DRP2: variants seen among roughly 807,000 people sequenced by gnomAD.
DRP2 encodes the protein dystrophin-related protein 2.
Under a neutral mutation model 78.2 loss-of-function variants are expected in DRP2, and 29 were observed. The ratio of observed to expected loss-of-function variants is 0.37; its 90% CI spans 0.28 to 0.51. The LOEUF is 0.51. Ranked by LOEUF, DRP2 falls within the 20% of genes least tolerant of loss-of-function variation. DRP2 has a pLI of 0.94. For missense variants in DRP2, 686 were observed against 770.6 expected, an observed-to-expected ratio of 0.89 and a Z score of 1.30; for synonymous variants, 290 against 281.9, an observed-to-expected ratio of 1.03 and a Z score of -0.29.
chrX:101,224,040 A>G (rs1829279326), intron 1 of DRP2, among the ~76,000 whole-genome samples: 1 of 109,156 alleles, frequency 9.2e-6, no homozygotes, highest in South Asian at 4.1e-4. Flanking sequence ...ACACAGTGTT[A>G]CCTTGGATTG....
chrX:101,253,500 C>CTTTTT (rs67849810), intron 17 of DRP2, among the ~76,000 whole-genome samples: 1 of 74,896 alleles, frequency 1.3e-5, no homozygotes. Flanking sequence ...GTCTATTTTT[C>CTTTTT]TTTTTTTTTT....
At position 101,263,830 on chromosome X, in the gene DRP2, G is replaced by A. The variant is rs1211878330; in HGVS notation, c.*3209G>A. The A allele has an allele frequency of 2.7e-5, 3 of 111,748 alleles. No individual in the cohort carries two copies. Among genetic ancestry groups the A allele is most frequent in the African/African-American group, 9.8e-5 (3 of 30,759 alleles). 9.2% of individuals were successfully genotyped at this position (111,748 alleles called of 1,213,427 possible). ...CAGGAAGAGGCCAATCCTAGGAGATGTTTTCCCTCCAGATTCATTTTAAGG... is the reference window on the plus strand; with the variant it reads ...CAGGAAGAGGCCAATCCTAGGAGATATTTTCCCTCCAGATTCATTTTAAGG... On this transcript the variant is annotated 3_prime_UTR_variant, in exon 24 of 24. Coordinates refer to ENST00000395209, the MANE Select transcript of DRP2 (RefSeq NM_001939.3).
chrX:101,253,540 C>CTT (rs138161868), intron 17 of DRP2, among the ~76,000 whole-genome samples: 544 of 53,527 alleles, frequency 0.01, 5 homozygotes, highest in Non-Finnish European at 0.013. Context: ...TTACTTTCAC[C>CTT]TTTTTTTTTT....
intron 22 of DRP2, among the ~76,000 whole-genome samples, chrX:101,259,540 C>T (rs1010524635): frequency 4.5e-5 from 5 of 111,298 alleles, no homozygotes; most frequent in Non-Finnish European, 5.7e-5. Context: ...CTCTTGTTGC[C>T]CAGGCTGGAG....
rs1191520384 is a variant in DRP2 at position 101,250,783 on chromosome X, G to A, written c.1699-134G>A. On this transcript the variant is annotated intron_variant, in intron 15 of 23. Transcript: ENST00000395209. ...GAGGGTGTCAGCTCAACTAGCACAG[G>A]GCAGAACGTGAACATCTCTGGAGAA... The A allele has an allele frequency of 3.1e-6, 3 of 952,770 alleles. No homozygotes were observed. In the African/African-American group the frequency reaches 5.8e-5, roughly 19 times the overall value. The allele number at this position is 952,770 out of a possible 1,213,427, so 78.5% of individuals were successfully genotyped here.
chrX:101,239,042 A>C lies in DRP2; in HGVS notation c.500A>C (p.Gln167Pro). 3 of 1,211,417 alleles carry C rather than the reference A, an allele frequency of 2.5e-6. No homozygotes were observed. The East Asian group carries it at 8.9e-5, about 36-fold the overall frequency. ...ATCTATTCTGTGCTGGAGTCAGCTCAGGCCTTCCTGTCCCAGCACCCATTT... is the reference window on the plus strand; with the variant it reads ...ATCTATTCTGTGCTGGAGTCAGCTCCGGCCTTCCTGTCCCAGCACCCATTT... ...PYIYSVLESA[Q>P]AFLSQHPFEE... Residue 167 changes from glutamine (Q) to proline (P), a missense_variant, in exon 6 of 24, where the codon CAG becomes CCG. By Grantham distance (76) the Gln-to-Pro change is moderately conservative (BLOSUM62 -1). Around this residue, in one of 2 missense-constraint regions of DRP2, gnomAD observed 263 missense variants for 239.1 expected, o/e 1.10. Coordinates refer to ENST00000395209, the MANE Select transcript of DRP2 (RefSeq NM_001939.3).
Position 101,260,711 on chromosome X carries a change from C to T in DRP2, c.*90C>T. 1 of 1,069,437 alleles carries T rather than the reference C, an allele frequency of 9.4e-7. No individual in the cohort carries two copies. The highest frequency in any genetic ancestry group is 1.3e-6 in the Non-Finnish European group (1 of 799,664). 88.1% of individuals were successfully genotyped at this position (1,069,437 alleles called of 1,213,427 possible). ...GCCTTCACCCAACCTTTCCAGTTTC[C>T]ACTGGCCCCACATTCCTCAACTAGT... On this transcript the variant is annotated 3_prime_UTR_variant, in exon 24 of 24. Transcript: ENST00000395209.
At chrX:101,224,213 T>G (rs1310830409) in intron 1 of DRP2, among the ~76,000 whole-genome samples, 2 of 75,888 alleles carry the variant, frequency 2.6e-5, no homozygotes, top group African/African-American at 5.2e-5. Context: ...TTTTTTTTTT[T>G]TTTTTTTTGA....
intron 12 of DRP2, among the ~76,000 whole-genome samples, chrX:101,247,565 C>G (rs1010657546): frequency 4.5e-5 from 5 of 111,426 alleles, no homozygotes; most frequent in African/African-American, 1.3e-4. Flanking sequence ...TGCCTTCTGG[C>G]CTTTCTCGGA....
chrX:101,235,679 G>T (rs149325122), intron 3 of DRP2, among the ~76,000 whole-genome samples, 181 bp from the exon 4 acceptor site: 58 of 112,690 alleles, frequency 5.1e-4, no homozygotes, highest in African/African-American at 1.8e-3. Context: ...AGAAGACTTG[G>T]CAATGAACAG....
chrX:101,249,333 T>A (rs1045705014), intron 14 of DRP2, among the ~76,000 whole-genome samples: 1 of 112,482 alleles, frequency 8.9e-6, no homozygotes, highest in Non-Finnish European at 1.9e-5. Context: ...AAGAGACAGA[T>A]GACAGCAGTC....
At chrX:101,239,702 C>T (rs897602763) in intron 6 of DRP2, among the ~76,000 whole-genome samples, 6 of 111,475 alleles carry the variant, frequency 5.4e-5, no homozygotes, top group Non-Finnish European at 9.4e-5. Context: ...CTCAGCCTCC[C>T]GAGTAGCTGG....
chrX:101,236,136 C>T (rs1382137363), intron 4 of DRP2, 113 bp downstream of exon 4: 2 of 836,214 alleles, frequency 2.4e-6, no homozygotes, highest in African/African-American at 4.1e-5. Context: ...AGCCCACCCA[C>T]TTCTCCCTTT....
chrX:101,231,639 T>C lies in DRP2; in HGVS notation c.-9T>C. 1 of 1,203,276 alleles carries C rather than the reference T, an allele frequency of 8.3e-7. No homozygotes were observed. On this transcript the variant is annotated 5_prime_UTR_variant, in exon 3 of 24. Coordinates refer to ENST00000395209, the MANE Select transcript of DRP2 (RefSeq NM_001939.3). ...CCTATCCTCATCCCCCCCATGAGCCTTGGTTTTTATGCAACCTATGGTCAT... is the reference window on the plus strand; with the variant it reads ...CCTATCCTCATCCCCCCCATGAGCCCTGGTTTTTATGCAACCTATGGTCAT...
chrX:101,241,864 A>T lies in DRP2; in HGVS notation c.756A>T (p.Gly252=). 1 of 1,185,396 alleles carries T rather than the reference A, an allele frequency of 8.4e-7. No homozygotes were observed. ...ELSTTLSQAE[G]VRATWEPIGD... ...GCACTACTCTGAGCCAAGCTGAGGG[A>T]GTCCGAGCCACTTGGGAGCCCATTG... is the stretch of plus-strand genomic sequence containing the variant. Residue 252 remains glycine (G), a synonymous_variant, in exon 7 of 24, where the codon GGA becomes GGT. Transcript: ENST00000395209.
Position 101,240,786 on chromosome X carries a change from A to G in DRP2, c.560-882A>G, listed in dbSNP as rs139849183. 7.3e-4 allele frequency among the ~76,000 whole-genome samples: 82 copies of G among 112,149 alleles called. No individual in the cohort carries two copies. In the East Asian group the frequency reaches 0.012, roughly 17 times the overall value. ...ATCTCAGTTTATTTCTGGCCCTTCA[A>G]TGGGAGGGCTAGTACTTAATTTGAT... On this transcript the variant is annotated intron_variant, in intron 6 of 23. Transcript: ENST00000395209.
chrX:101,240,236 GT>G (rs1376463595), intron 6 of DRP2, among the ~76,000 whole-genome samples: 16 of 111,603 alleles, frequency 1.4e-4, no homozygotes, highest in African/African-American at 5.2e-4. Context: ...TTTAGTCTTT[GT>G]TTTTGAGACA....
chrX:101,250,135 C>CCT (rs1405612639), intron 14 of DRP2, among the ~76,000 whole-genome samples: 4 of 110,036 alleles, frequency 3.6e-5, no homozygotes, highest in African/African-American at 3.3e-5. Flanking sequence ...GTGCACTCGA[C>CCT]CTCTCTCTCT....
At chrX:101,229,624 T>C (rs1385578745) in intron 2 of DRP2, among the ~76,000 whole-genome samples, 2 of 110,987 alleles carry the variant, frequency 1.8e-5, no homozygotes, top group South Asian at 7.7e-4. Flanking sequence ...GAAGGGCCTC[T>C]TATATCTAAA....
Sources: gnomAD v4.1 joint callset for allele counts (sites outside exome capture counted in the v4.1 genomes callset) on GRCh38, gnomAD v4.1.1 for gene constraint, gnomAD v4.1.1 regional missense constraint, MANE v1.5 for transcripts, NCBI Gene and HGNC (gene_info 2026-07-23, HGNC 2026-07-21) for gene names.